Variants in PTPRO observed in about 807,000 individuals in gnomAD.
PTPRO encodes the protein receptor-type tyrosine-protein phosphatase O.
In PTPRO, 62 loss-of-function variants were observed where a neutral mutation model predicts 145.2. The ratio of observed to expected loss-of-function variants is 0.43; its 90% CI spans 0.35 to 0.53. PTPRO has a LOEUF of 0.53. Among genes scored for constraint, PTPRO ranks in the 20% least tolerant of loss-of-function variants. The pLI, the probability that PTPRO is intolerant of heterozygous loss-of-function variation, is 0.01. For synonymous variants in PTPRO, 565 were observed against 514.7 expected, an observed-to-expected ratio of 1.10 and a Z score of -1.32; for missense variants, 1,345 against 1,482.7, an observed-to-expected ratio of 0.91 and a Z score of 1.53.
intron 23 of PTPRO, among the ~76,000 whole-genome samples, chr12:15,585,161 C>T (rs1394419626): frequency 1.3e-5 from 2 of 152,124 alleles, no homozygotes; most frequent in Non-Finnish European, 1.5e-5. Context: ...TCACTTCAAC[C>T]GTACTGGAAT....
At position 15,388,363 on chromosome 12, in the gene PTPRO, G is replaced by A. The variant is rs368886767; in HGVS notation, c.75+65562G>A. On this transcript the variant is annotated intron_variant, in intron 1 of 26. Coordinates refer to ENST00000281171, the MANE Select transcript of PTPRO (RefSeq NM_030667.3). ...AGAGATAGCCACTCACCCACCCTGA[G>A]TTTTACTGTACAATTCTGTTTTTTT... 6.7e-4 allele frequency among the ~76,000 whole-genome samples: 102 copies of A among 152,222 alleles called. 1 individual carries two copies. Among genetic ancestry groups the A allele is most frequent in the Non-Finnish European group, 2.6e-4 (18 of 68,010 alleles).
chr12:15,493,078 A>G (rs1942031779), intron 2 of PTPRO, among the ~76,000 whole-genome samples: 2 of 152,192 alleles, frequency 1.3e-5, no homozygotes, highest in African/African-American at 4.8e-5. Context: ...AAATAGATAA[A>G]TAAGCTTGAA....
intron 1 of PTPRO, among the ~76,000 whole-genome samples, chr12:15,331,587 A>G (rs932156424): frequency 6.6e-6 from 1 of 152,240 alleles, no homozygotes; most frequent in African/African-American, 2.4e-5. Context: ...GAATACAGTG[A>G]GCACTCAATT....
rs1208294348 is a variant in PTPRO at position 15,565,599 on chromosome 12, A to G, written c.2718A>G (p.Lys906=). The stretch of plus-strand genomic sequence containing the variant: ...TTTCTTTTTTAATTATCAGGAGTAA[A>G]AATGGTTTAAAGAAGAGGAAACTGA... ...LLAFYINPWS[K]NGLKKRKLTN... The change falls in exon 18 of 27, where the codon AAA becomes AAG. Residue 906 remains lysine (K), a synonymous_variant. Coordinates refer to ENST00000281171, the MANE Select transcript of PTPRO (RefSeq NM_030667.3). The G allele has an allele frequency of 6.9e-7, 1 of 1,455,286 alleles. No homozygotes were observed. The allele number at this position is 1,455,286 out of a possible 1,614,324, so 90.1% of individuals were successfully genotyped here.
At chr12:15,358,250 G>A (rs1427028705) in intron 1 of PTPRO, among the ~76,000 whole-genome samples, 2 of 106,824 alleles carry the variant, frequency 1.9e-5, no homozygotes, top group Non-Finnish European at 3.7e-5. Flanking sequence ...GGGGGAGGGG[G>A]GAGGGATAGC....
chr12:15,450,551 A>G (rs1387560320), intron 1 of PTPRO, among the ~76,000 whole-genome samples: 1 of 152,174 alleles, frequency 6.6e-6, no homozygotes, highest in Non-Finnish European at 1.5e-5. Context: ...AGGCAGGCAG[A>G]TTGTCTGGGC....
chr12:15,542,419 C>T (rs561554104), intron 12 of PTPRO, among the ~76,000 whole-genome samples: 17 of 152,308 alleles, frequency 1.1e-4, no homozygotes, highest in African/African-American at 2.6e-4. Flanking sequence ...GGGCAGCATG[C>T]GGCCTACGGG....
chr12:15,569,856 G>T (rs1456029641), intron 19 of PTPRO, among the ~76,000 whole-genome samples: 1 of 152,202 alleles, frequency 6.6e-6, no homozygotes, highest in Non-Finnish European at 1.5e-5. Flanking sequence ...GATTTGTAGT[G>T]TTTCTCATGC....
chr12:15,365,695 T>C (rs1024363630), intron 1 of PTPRO, among the ~76,000 whole-genome samples: 1 of 152,168 alleles, frequency 6.6e-6, no homozygotes, highest in African/African-American at 2.4e-5. Context: ...AAACTAGTTC[T>C]TCTTTCTTCA....
rs746685923 is a variant in PTPRO, at chr12:15,503,984, T to C, written c.1182T>C (p.Tyr394=). 3.1e-6 allele frequency: 5 copies of C among 1,607,432 alleles called. No individual in the cohort carries two copies. The highest frequency in any genetic ancestry group is 1.1e-5 in the South Asian group (1 of 90,944). The part of the protein sequence containing the change: ...FVAELKEPGK[Y]KLSVTTFSSS... Reference sequence around the variant, plus strand: ...CAGAACTGAAGGAACCTGGGAAATATAAGTTATCTGTGACAACCTTTAGTT... The same window carrying C: ...CAGAACTGAAGGAACCTGGGAAATACAAGTTATCTGTGACAACCTTTAGTT... Residue 394 remains tyrosine (Y), a synonymous_variant, in exon 6 of 27, where the codon TAT becomes TAC. Coordinates refer to ENST00000281171, the MANE Select transcript of PTPRO (RefSeq NM_030667.3).
At chr12:15,330,051 G>A (rs1866562359) in intron 1 of PTPRO, among the ~76,000 whole-genome samples, 1 of 152,190 alleles carries the variant, frequency 6.6e-6, no homozygotes. Flanking sequence ...TACATGCTGA[G>A]CCAGAAAGAA....
chr12:15,480,917 A>G (rs1941766218), intron 1 of PTPRO, among the ~76,000 whole-genome samples: 1 of 152,342 alleles, frequency 6.6e-6, no homozygotes, highest in South Asian at 2.1e-4. Context: ...TTCAGTCTTT[A>G]GTCAGTTGTT....
chr12:15,474,900 C>T (rs187364736), intron 1 of PTPRO, among the ~76,000 whole-genome samples: 2 of 152,270 alleles, frequency 1.3e-5, no homozygotes, highest in East Asian at 1.9e-4. Flanking sequence ...TTCTTTTAGG[C>T]GCACTGCCTA....
intron 2 of PTPRO, among the ~76,000 whole-genome samples, chr12:15,491,243 A>C (rs1392749711): frequency 6.6e-6 from 1 of 152,228 alleles, no homozygotes; most frequent in Non-Finnish European, 1.5e-5. Context: ...GAAGAGACAC[A>C]TTCTTCAGCT....
chr12:15,546,150 A>T (rs1376348690), intron 12 of PTPRO, among the ~76,000 whole-genome samples: 2 of 152,208 alleles, frequency 1.3e-5, no homozygotes, highest in Non-Finnish European at 2.9e-5. Flanking sequence ...TTGGCTAAAT[A>T]CCAAACTGCA....
intron 1 of PTPRO, among the ~76,000 whole-genome samples, chr12:15,332,669 C>T (rs1866646350): frequency 6.6e-6 from 1 of 152,146 alleles, no homozygotes; most frequent in African/African-American, 2.4e-5. Context: ...TAAGCTGATG[C>T]TTAGATATTG....
At chr12:15,590,906 G>C (rs1422807689) in intron 25 of PTPRO, among the ~76,000 whole-genome samples, 1 of 151,988 alleles carries the variant, frequency 6.6e-6, no homozygotes, top group African/African-American at 2.4e-5. Flanking sequence ...TTTATTAATC[G>C]GTCCATATTT....
In PTPRO at chr12:15,508,658, C is replaced by T; in HGVS notation, c.1355C>T (p.Ser452Phe). The T allele has an allele frequency of 6.2e-7, 1 of 1,614,098 alleles. No homozygotes were observed. Among genetic ancestry groups the T allele is most frequent in the Non-Finnish European group, 8.5e-7 (1 of 1,179,998 alleles). The change falls in exon 7 of 27, where the codon TCC becomes TTC. Residue 452 changes from serine to phenylalanine, a missense_variant. Physicochemically the swap from Ser to Phe is radical, Grantham distance 155 (BLOSUM62 -2). Coordinates refer to ENST00000281171, the MANE Select transcript of PTPRO (RefSeq NM_030667.3). Reference sequence around the variant, plus strand: ...TTAAGCTCAACCACTGCCTTGATGTCCTGGACATCTTCCCAAGAGAACTAC... The same window carrying T: ...TTAAGCTCAACCACTGCCTTGATGTTCTGGACATCTTCCCAAGAGAACTAC... ...HVLSSTTALM[S>F]WTSSQENYNS... is the part of the protein sequence containing the mutation.
chr12:15,415,232 C>CA (rs147944898), intron 1 of PTPRO, among the ~76,000 whole-genome samples: 4 of 152,082 alleles, frequency 2.6e-5, no homozygotes, highest in East Asian at 3.9e-4. Context: ...ACCTCCCCCC[C>CA]AAAAAAAGAA....
Sources: gnomAD v4.1 joint callset for allele counts (sites outside exome capture counted in the v4.1 genomes callset) on GRCh38, gnomAD v4.1.1 for gene constraint, MANE v1.5 for transcripts, NCBI Gene and HGNC (gene_info 2026-07-23, HGNC 2026-07-21) for gene names.